POU6F2: variants seen among roughly 807,000 people sequenced by gnomAD.
POU6F2 encodes the protein POU domain, class 6, transcription factor 2.
A neutral mutation model predicts 71.3 loss-of-function variants in POU6F2; 31 were observed. The observed-to-expected ratio is 0.43, with a 90% CI of 0.33 to 0.59. The LOEUF is 0.59. POU6F2 is among the 20% of genes least tolerant of loss of function. The probability of loss-of-function intolerance (pLI) is 0.04; values close to 1 mark genes in which losing one functional copy is unlikely to be tolerated. For synonymous variants in POU6F2, 347 were observed against 355.7 expected, an observed-to-expected ratio of 0.98 and a Z score of 0.27; for missense variants, 783 against 856.8, an observed-to-expected ratio of 0.91 and a Z score of 1.07.
At chr7:39,082,682 C>T (rs1315083567) in intron 1 of POU6F2, among the ~76,000 whole-genome samples, 1 of 151,944 alleles carries the variant, frequency 6.6e-6, no homozygotes, top group Non-Finnish European at 1.5e-5. Flanking sequence ...AGTCTGTACT[C>T]ACTGGTTACT....
At chr7:39,375,251 A>G (rs893731489) in intron 5 of POU6F2, among the ~76,000 whole-genome samples, 1 of 152,172 alleles carries the variant, frequency 6.6e-6, no homozygotes, top group African/African-American at 2.4e-5. Flanking sequence ...CGGGAGCGAG[A>G]CCACAAGTGT....
intron 1 of POU6F2, among the ~76,000 whole-genome samples, chr7:39,058,263 A>G (rs1382487282): frequency 6.6e-6 from 1 of 152,204 alleles, no homozygotes; most frequent in African/African-American, 2.4e-5. Flanking sequence ...TGAGTTCTGT[A>G]CTAGGAGCCA....
intron 4 of POU6F2, among the ~76,000 whole-genome samples, chr7:39,239,055 T>C (rs1794728275): frequency 6.6e-6 from 1 of 152,148 alleles, no homozygotes; most frequent in Admixed American, 6.6e-5. Context: ...TAGCACAAGA[T>C]GGTAATTACA....
intron 5 of POU6F2, among the ~76,000 whole-genome samples, chr7:39,386,800 A>G (rs547112093): frequency 4.7e-4 from 72 of 152,342 alleles, no homozygotes; most frequent in South Asian, 8.3e-4. Flanking sequence ...AAATCCCTAG[A>G]TAGGTGGTTG....
chr7:38,982,745 T>A (rs1394233777), intron 1 of POU6F2, among the ~76,000 whole-genome samples: 2 of 152,238 alleles, frequency 1.3e-5, no homozygotes, highest in East Asian at 3.9e-4. Flanking sequence ...GGTCAATTAA[T>A]GAAACTCTCT....
intron 1 of POU6F2, among the ~76,000 whole-genome samples, chr7:39,071,356 T>G (rs922709702): frequency 3.3e-5 from 5 of 151,452 alleles, no homozygotes; most frequent in African/African-American, 1.2e-4. Flanking sequence ...CTATGGGGAG[T>G]GGCTATAAAT....
chr7:39,277,407 T>C (rs4333492), intron 4 of POU6F2, among the ~76,000 whole-genome samples: 136,253 of 152,122 alleles, frequency 0.9, 61,111 homozygotes, highest in Middle Eastern at 0.95. Context: ...CCCCTCCCTC[T>C]CTACTTTCTT....
intron 1 of POU6F2, among the ~76,000 whole-genome samples, chr7:38,986,759 G>A (rs141254910): frequency 6.6e-5 from 10 of 151,970 alleles, no homozygotes; most frequent in Non-Finnish European, 1.3e-4. Context: ...GATTCCACTC[G>A]CCACAAATAA....
chr7:39,164,724 G>C (rs1352335739), intron 2 of POU6F2, among the ~76,000 whole-genome samples: 1 of 151,994 alleles, frequency 6.6e-6, no homozygotes. Context: ...ACACATGTGA[G>C]CGAAGGAAAG....
chr7:39,120,369 G>A (rs1317081020), intron 2 of POU6F2, among the ~76,000 whole-genome samples: 1 of 152,066 alleles, frequency 6.6e-6, no homozygotes, highest in East Asian at 1.9e-4. Context: ...CACAGGAATA[G>A]GGCACTAACC....
chr7:39,298,102 G>A (rs1031313554), intron 4 of POU6F2, among the ~76,000 whole-genome samples: 1 of 152,116 alleles, frequency 6.6e-6, no homozygotes. Flanking sequence ...ACGTAGGCAT[G>A]AGCAAAGACT....
At chr7:39,057,158 C>T (rs958167084) in intron 1 of POU6F2, among the ~76,000 whole-genome samples, 4 of 152,042 alleles carry the variant, frequency 2.6e-5, no homozygotes, top group African/African-American at 7.2e-5. Flanking sequence ...TTTTATGGTT[C>T]AGGGCTTCAG....
chr7:39,268,373 C>T (rs1172960228), intron 4 of POU6F2, among the ~76,000 whole-genome samples: 1 of 152,086 alleles, frequency 6.6e-6, no homozygotes, highest in Non-Finnish European at 1.5e-5. Context: ...GACAATCATA[C>T]AAAACATGTC....
intron 2 of POU6F2, among the ~76,000 whole-genome samples, chr7:39,104,019 C>T (rs1301689261): frequency 2.6e-5 from 4 of 152,160 alleles, no homozygotes; most frequent in African/African-American, 9.7e-5. Context: ...CTGAGATCTA[C>T]CTTCTGAATG....
At chr7:39,177,684 CAGAG>C (rs1373823337) in intron 2 of POU6F2, among the ~76,000 whole-genome samples, 4 of 152,164 alleles carry the variant, frequency 2.6e-5, no homozygotes, top group Non-Finnish European at 5.9e-5. Context: ...AGCTTGGACT[CAGAG>C]AGACTGATGC....
intron 2 of POU6F2, among the ~76,000 whole-genome samples, chr7:39,185,015 G>A (rs1023872395): frequency 1.3e-4 from 20 of 152,102 alleles, no homozygotes; most frequent in Admixed American, 1.0e-3. Context: ...ATTTGTATAC[G>A]GAAGACTCAA....
chr7:39,405,896 A>G (rs1787415824), intron 5 of POU6F2: 1 of 152,236 alleles, frequency 6.6e-6, no homozygotes, highest in Non-Finnish European at 1.5e-5. Flanking sequence ...AGGAAAGACC[A>G]TGTATCAGCT....
chr7:39,453,647 A>C (rs1788713413), intron 8 of POU6F2, among the ~76,000 whole-genome samples: 1 of 152,242 alleles, frequency 6.6e-6, no homozygotes, highest in South Asian at 2.1e-4. Flanking sequence ...GTCACTTGTC[A>C]CAGCTGGGCA....
At chr7:39,452,989 C>T (rs74956500) in intron 8 of POU6F2, among the ~76,000 whole-genome samples, 1 of 152,196 alleles carries the variant, frequency 6.6e-6, no homozygotes, top group African/African-American at 2.4e-5. Context: ...CTACTCAGGG[C>T]GCTGAAACAG....
Sources: allele counts gnomAD v4.1 joint callset (sites outside exome capture counted in the v4.1 genomes callset), GRCh38; gene constraint gnomAD v4.1.1; transcripts MANE v1.5; gene names NCBI Gene and HGNC (gene_info 2026-07-23, HGNC 2026-07-21).